Variants in MAP2K5 observed in about 807,000 individuals in gnomAD.
MAP2K5 encodes the protein dual specificity mitogen-activated protein kinase kinase 5.
In MAP2K5, 49 loss-of-function variants were observed where a neutral mutation model predicts 83.1. The observed-to-expected ratio is 0.59, with a 90% confidence interval of 0.47 to 0.75. The LOEUF is 0.75. Ranked by LOEUF, MAP2K5 falls within the 30% of genes least tolerant of loss-of-function variation. The probability of loss-of-function intolerance (pLI) is 0.00; values close to 1 mark genes in which losing one functional copy is unlikely to be tolerated. For missense variants in MAP2K5, 457 were observed against 557.5 expected (o/e 0.82, Z 1.82); for synonymous variants, 202 against 191.8 (o/e 1.05, Z -0.44).
At position 67,793,286 on chromosome 15, in the gene MAP2K5, A is replaced by G. The variant is rs2090549774; in HGVS notation, c.1243-13360A>G. 6.6e-6 allele frequency among the ~76,000 whole-genome samples: 1 copy of G among 152,202 alleles called. No individual in the cohort carries two copies. The highest frequency in any genetic ancestry group is 6.5e-5 in the Admixed American group (1 of 15,276). ...AACACTGTGAGACCTCATCTCTAAA[A>G]AAAAACAAAAAATTCTTTAGCTCAT... On this transcript the variant is annotated intron_variant, in intron 21 of 21. Transcript: ENST00000178640. This position sits in a 1 kb window ranked among gnomAD's most constrained non-coding sequence, Gnocchi z 4.6.
rs2090117299 is a variant in MAP2K5 at position 67,770,290 on chromosome 15, G to A, written c.1196+627G>A. 6.6e-6 allele frequency among the ~76,000 whole-genome samples: 1 copy of A among 152,138 alleles called. No homozygotes were observed. Among genetic ancestry groups the A allele is most frequent in the Non-Finnish European group, 1.5e-5 (1 of 68,020 alleles). On this transcript the variant is annotated intron_variant, in intron 20 of 21. Transcript: ENST00000178640. The surrounding 1 kb of genome is among the most constrained non-coding windows in gnomAD (Gnocchi z 5.0). ...AAGAAACAAGCATTTTACTGCCAAG[G>A]GTTCTTTGCCAGCCTTCTGCCTTTT...
chr15:67,594,257 G>T (rs964759578), intron 7 of MAP2K5, among the ~76,000 whole-genome samples: 1 of 152,074 alleles, frequency 6.6e-6, no homozygotes, highest in South Asian at 2.1e-4. Context: ...TTAGATTGAG[G>T]TCCACATCTG....
intron 3 of MAP2K5, among the ~76,000 whole-genome samples, chr15:67,567,457 C>T (rs144087544): frequency 0.15 from 22,129 of 151,232 alleles, 2,093 homozygotes; most frequent in African/African-American, 0.26. Flanking sequence ...CTCCGCTTCC[C>T]GGGTTCACGC....
intron 13 of MAP2K5, among the ~76,000 whole-genome samples, chr15:67,685,795 C>A: frequency 6.6e-6 from 1 of 152,322 alleles, no homozygotes; most frequent in East Asian, 1.9e-4. Context: ...TTCAAACAGA[C>A]TGGCAAAATT....
Position 67,587,008 on chromosome 15 carries a change from G to C in MAP2K5, c.431+95G>C. 1 of 1,211,916 alleles carries C rather than the reference G, an allele frequency of 8.3e-7. No homozygotes were observed. The highest frequency in any genetic ancestry group is 1.2e-6 in the Non-Finnish European group (1 of 813,688). The allele number at this position is 1,211,916 out of a possible 1,614,324, so 75.1% of individuals were successfully genotyped here. On this transcript the variant is annotated intron_variant, in intron 6 of 21. Transcript: ENST00000178640. This position sits in a 1 kb window ranked among gnomAD's most constrained non-coding sequence, Gnocchi z 4.8. ...AGCTAGAAAGAAATTTGACCAGTTA[G>C]ATAACCTAGCTACGTATTGACCAAA...
At chr15:67,701,879 T>A (rs1383015469) in intron 15 of MAP2K5, among the ~76,000 whole-genome samples, 2 of 152,192 alleles carry the variant, frequency 1.3e-5, no homozygotes, top group East Asian at 3.8e-4. Flanking sequence ...TTTGACTCAC[T>A]GGAAAGAACT....
rs2084523459 is a variant in MAP2K5 at position 67,552,128 on chromosome 15, C to T, written c.184+2046C>T. 6.6e-6 allele frequency among the ~76,000 whole-genome samples: 1 copy of T among 152,068 alleles called. No homozygotes were observed. The highest frequency in any genetic ancestry group is 2.4e-5 in the African/African-American group (1 of 41,404). The stretch of plus-strand genomic sequence containing the variant: ...CACACTTTTTACTTTGTATGTTTCT[C>T]TATTGTTTGAACATTTTTCAACAAT... On this transcript the variant is annotated intron_variant, in intron 2 of 21. Transcript: ENST00000178640. The surrounding 1 kb of genome is among the most constrained non-coding windows in gnomAD (Gnocchi z 4.2).
intron 21 of MAP2K5, among the ~76,000 whole-genome samples, chr15:67,796,665 T>C (rs1217499346): frequency 1.3e-5 from 2 of 152,004 alleles, no homozygotes; most frequent in Non-Finnish European, 2.9e-5. Flanking sequence ...ACATATCCGG[T>C]TTTTTCCTTC....
chr15:67,622,824 C>T (rs544543284), intron 8 of MAP2K5, among the ~76,000 whole-genome samples: 68 of 152,214 alleles, frequency 4.5e-4, no homozygotes, highest in African/African-American at 1.5e-3. Flanking sequence ...ATGGGCTGGG[C>T]GTGGTGGCTT....
Position 67,637,329 on chromosome 15 carries a change from A to G in MAP2K5, c.585+6402A>G, listed in dbSNP as rs374726311. 1.3e-5 allele frequency among the ~76,000 whole-genome samples: 2 copies of G among 152,216 alleles called. No individual in the cohort carries two copies. Among genetic ancestry groups the G allele is most frequent in the East Asian group, 3.9e-4 (2 of 5,174 alleles). On this transcript the variant is annotated intron_variant, in intron 9 of 21. Transcript: ENST00000178640. This position sits in a 1 kb window ranked among gnomAD's most constrained non-coding sequence, Gnocchi z 4.5. ...ACTAATACAGAGATGGTATTTAGTT[A>G]CTTTTGAATAATTTGATTCTTTCAA...
intron 7 of MAP2K5, among the ~76,000 whole-genome samples, chr15:67,598,592 G>A (rs16951052): frequency 0.15 from 22,137 of 152,142 alleles, 2,077 homozygotes; most frequent in African/African-American, 0.25. Context: ...TTGGAGTGCT[G>A]GGAATGTGGA....
Position 67,780,927 on chromosome 15 carries a change from T to C in MAP2K5, c.1242+8175T>C, listed in dbSNP as rs2090319059. On this transcript the variant is annotated intron_variant, in intron 21 of 21. Coordinates refer to ENST00000178640, the MANE Select transcript of MAP2K5 (RefSeq NM_145160.3). The surrounding 1 kb of genome is among the most constrained non-coding windows in gnomAD (Gnocchi z 5.0). ...GTATGCATTCTGACCACTTGAGAAT[T>C]TACCTCAAGCAAGTAACTCCACATC... 6.6e-6 allele frequency among the ~76,000 whole-genome samples: 1 copy of C among 152,122 alleles called. No homozygotes were observed. The highest frequency in any genetic ancestry group is 6.6e-5 in the Admixed American group (1 of 15,266).
In MAP2K5 at chr15:67,690,688, C is replaced by G. The variant is rs901783968; in HGVS notation, c.848-1791C>G. On this transcript the variant is annotated intron_variant, in intron 13 of 21. Coordinates refer to ENST00000178640, the MANE Select transcript of MAP2K5 (RefSeq NM_145160.3). The surrounding 1 kb of genome is among the most constrained non-coding windows in gnomAD (Gnocchi z 4.3). Reference sequence around the variant, plus strand: ...AGCTGAGATTACAGGTGTCCGCCACCACGCCCGGCTAATTTTTGTATTTTT... The same window carrying G: ...AGCTGAGATTACAGGTGTCCGCCACGACGCCCGGCTAATTTTTGTATTTTT... 6.6e-6 allele frequency among the ~76,000 whole-genome samples: 1 copy of G among 151,980 alleles called. No homozygotes were observed. The highest frequency in any genetic ancestry group is 6.5e-5 in the Admixed American group (1 of 15,274).
At position 67,758,873 on chromosome 15, in the gene MAP2K5, C is replaced by A. The variant is rs2141286819; in HGVS notation, c.1134+10272C>A. On this transcript the variant is annotated intron_variant, in intron 19 of 21. Transcript: ENST00000178640. This position sits in a 1 kb window ranked among gnomAD's most constrained non-coding sequence, Gnocchi z 4.7. The stretch of plus-strand genomic sequence containing the variant: ...AAGAAAGTACAAAGTGACCACTGAA[C>A]ATTTTGGCATCAAAGGAAGAGGTTT... Among the ~76,000 whole-genome samples the A allele has an allele frequency of 1.3e-5, 2 of 152,292 alleles. No homozygotes were observed. Among genetic ancestry groups the A allele is most frequent in the Non-Finnish European group, 2.9e-5 (2 of 68,028 alleles).
intron 8 of MAP2K5, among the ~76,000 whole-genome samples, chr15:67,612,610 A>G (rs897385714): frequency 6.6e-6 from 1 of 152,178 alleles, no homozygotes; most frequent in Non-Finnish European, 1.5e-5. Flanking sequence ...CGTTAAAGGA[A>G]AAAGTCTCTC....
chr15:67,584,739 C>T (rs189895448), intron 4 of MAP2K5, among the ~76,000 whole-genome samples: 3 of 132,738 alleles, frequency 2.3e-5, no homozygotes, highest in African/African-American at 8.8e-5. Context: ...AGTGCAGTGG[C>T]GTGATCTCAG....
intron 2 of MAP2K5, among the ~76,000 whole-genome samples, chr15:67,553,461 C>T (rs561739543): frequency 6.6e-6 from 1 of 152,318 alleles, no homozygotes; most frequent in Admixed American, 6.5e-5. Context: ...AACATACCCA[C>T]AGACAAAATA....
intron 19 of MAP2K5, among the ~76,000 whole-genome samples, chr15:67,759,567 A>AG (rs997214554): frequency 4.0e-5 from 6 of 151,536 alleles, no homozygotes; most frequent in African/African-American, 9.7e-5. Context: ...CTCAAAAAAA[A>AG]AAAAGAAAAG....
At chr15:67,549,456 C>T (rs910145360) in intron 1 of MAP2K5, among the ~76,000 whole-genome samples, 3 of 152,122 alleles carry the variant, frequency 2.0e-5, no homozygotes, top group African/African-American at 7.2e-5. Context: ...ACTTGGGTGT[C>T]GAACTCCTAC....
Sources: allele counts gnomAD v4.1 joint callset (sites outside exome capture counted in the v4.1 genomes callset), GRCh38; gene constraint gnomAD v4.1.1; non-coding constraint Gnocchi (gnomAD v3.1); transcripts MANE v1.5; gene names NCBI Gene and HGNC (gene_info 2026-07-23, HGNC 2026-07-21).